The following SIL1 variants were observed in gnomAD, a reference collection of about 807,000 sequenced individuals.
SIL1 encodes nucleotide exchange factor SIL1.
Under a neutral mutation model 49.1 loss-of-function variants are expected in SIL1, and 40 were observed. The ratio of observed to expected loss-of-function variants is 0.81; its 90% CI spans 0.63 to 1.06. SIL1 has a LOEUF of 1.06. SIL1 is among the 50% of genes least tolerant of loss of function. The probability of loss-of-function intolerance (pLI) is 0.00; values close to 1 mark genes in which losing one functional copy is unlikely to be tolerated. For missense variants in SIL1, 500 were observed against 572.6 expected (o/e 0.87, Z 1.29); for synonymous variants, 253 against 250.8 (o/e 1.01, Z -0.08).
chr5:138,980,007 T>G (rs949394588), intron 7 of SIL1, among the ~76,000 whole-genome samples: 1 of 152,206 alleles, frequency 6.6e-6, no homozygotes, highest in Admixed American at 6.5e-5. Flanking sequence ...CAAAAGGGCC[T>G]AGTCACAGGG....
intron 1 of SIL1, among the ~76,000 whole-genome samples, chr5:139,134,473 T>G (rs1022961277): frequency 6.6e-6 from 1 of 152,140 alleles, no homozygotes; most frequent in African/African-American, 2.4e-5. Context: ...ACTGCTGCCC[T>G]GGACCCGCAG....
At chr5:138,979,285 G>A (rs768472478) in intron 7 of SIL1, among the ~76,000 whole-genome samples, 3 of 151,994 alleles carry the variant, frequency 2.0e-5, no homozygotes, top group South Asian at 2.1e-4. Flanking sequence ...GGCTGGTCTC[G>A]ATCTCCTGAC....
At position 139,026,936 on chromosome 5, in the gene SIL1, G is replaced by GTCTT. The variant is rs751236516; in HGVS notation, c.506_509dup (p.Asp170GlufsTer4). ...CAATGACAACATTCAGCTCATCAAAGTCTTTCTTCAGTTCCTCAATGGGGC... is the reference window on the plus strand; with the variant it reads ...CAATGACAACATTCAGCTCATCAAAGTCTTTCTTTCTTCAGTTCCTCAATGGGGC... On this transcript the variant is annotated frameshift_variant, in exon 6 of 10. Coordinates refer to ENST00000394817, the MANE Select transcript of SIL1 (RefSeq NM_022464.5). LOFTEE classifies it high-confidence loss of function. 5.8e-5 allele frequency: 93 copies of GTCTT among 1,614,074 alleles called. No individual in the cohort carries two copies. The highest frequency in any genetic ancestry group is 1.9e-5 in the Non-Finnish European group (23 of 1,180,044).
intron 1 of SIL1, among the ~76,000 whole-genome samples, chr5:139,196,272 A>G (rs1311958182): frequency 1.3e-5 from 2 of 152,202 alleles, no homozygotes; most frequent in African/African-American, 2.4e-5. Flanking sequence ...GGTCTCTGAA[A>G]ACAATTCCAG....
At chr5:139,068,194 C>T (rs1378178970) in intron 3 of SIL1, among the ~76,000 whole-genome samples, 1 of 152,100 alleles carries the variant, frequency 6.6e-6, no homozygotes, top group Non-Finnish European at 1.5e-5. Flanking sequence ...AAAACTAAAC[C>T]CATGAGCAAC....
At chr5:139,020,395 T>C (rs1426218650) in intron 7 of SIL1, among the ~76,000 whole-genome samples, 1 of 152,224 alleles carries the variant, frequency 6.6e-6, no homozygotes, top group East Asian at 1.9e-4. Flanking sequence ...GAATAGCTTT[T>C]CTCCTGTAAC....
chr5:139,019,980 G>A (rs1354245886), intron 7 of SIL1, among the ~76,000 whole-genome samples: 1 of 152,194 alleles, frequency 6.6e-6, no homozygotes, highest in African/African-American at 2.4e-5. Flanking sequence ...GACTGAAACC[G>A]CAGATACTAA....
Position 139,068,740 on chromosome 5 carries a change from A to C in SIL1, c.245-17694T>G, listed in dbSNP as rs543262729. On this transcript the variant is annotated intron_variant, in intron 3 of 9. Transcript: ENST00000394817. ...CATGCTTTTTTCTAAAAGTTCAAGA[A>C]ACCTAATTTCACATAAAAATGAGCA... is the stretch of plus-strand genomic sequence containing the variant. 1.7e-4 allele frequency among the ~76,000 whole-genome samples: 26 copies of C among 152,134 alleles called. No individual in the cohort carries two copies. The South Asian group carries it at 5.4e-3, about 32-fold the overall frequency.
chr5:139,065,610 G>A (rs1250841931), intron 3 of SIL1, among the ~76,000 whole-genome samples: 1 of 152,192 alleles, frequency 6.6e-6, no homozygotes, highest in Non-Finnish European at 1.5e-5. Flanking sequence ...ATGCACACAA[G>A]GTTGGTGCTC....
chr5:139,040,899 G>C (rs907663844), intron 5 of SIL1, among the ~76,000 whole-genome samples: 1 of 152,122 alleles, frequency 6.6e-6, no homozygotes, highest in Non-Finnish European at 1.5e-5. Context: ...TTACTGGGGT[G>C]GGGGGAAATG....
At chr5:138,967,458 T>G (rs1767169111) in intron 7 of SIL1, among the ~76,000 whole-genome samples, 1 of 152,188 alleles carries the variant, frequency 6.6e-6, no homozygotes, top group Non-Finnish European at 1.5e-5. Flanking sequence ...GACCCAGCAT[T>G]GGCCAGAAGA....
chr5:138,980,464 C>G (rs944314827), intron 7 of SIL1, among the ~76,000 whole-genome samples: 1 of 152,088 alleles, frequency 6.6e-6, no homozygotes, highest in African/African-American at 2.4e-5. Flanking sequence ...AAGAGACAAG[C>G]AGGGGTCCAA....
intron 1 of SIL1, among the ~76,000 whole-genome samples, chr5:139,191,325 A>T (rs925132744): frequency 6.6e-6 from 1 of 152,024 alleles, no homozygotes; most frequent in African/African-American, 2.4e-5. Flanking sequence ...CAGCACTCAA[A>T]GCATGGCCAA....
chr5:139,195,537 A>G (rs1377931670), intron 1 of SIL1, among the ~76,000 whole-genome samples: 2 of 151,726 alleles, frequency 1.3e-5, no homozygotes, highest in Admixed American at 6.6e-5. Flanking sequence ...ACAGGCACCC[A>G]CCACCTCGCC....
chr5:139,182,300 G>C (rs1752004647), intron 1 of SIL1, among the ~76,000 whole-genome samples: 1 of 152,198 alleles, frequency 6.6e-6, no homozygotes, highest in Non-Finnish European at 1.5e-5. Context: ...GGAATGAGCA[G>C]GGCGAGTCAT....
intron 3 of SIL1, among the ~76,000 whole-genome samples, chr5:139,081,181 CAG>C (rs1187151752): frequency 1.3e-5 from 2 of 152,332 alleles, no homozygotes; most frequent in Middle Eastern, 3.4e-3. Context: ...CTACAGGACA[CAG>C]AGTCACTCAA....
intron 4 of SIL1, among the ~76,000 whole-genome samples, chr5:139,049,124 G>C (rs114403519): frequency 3.2e-4 from 48 of 152,310 alleles, no homozygotes; most frequent in African/African-American, 9.4e-4. Flanking sequence ...GGTAAGAAGT[G>C]AGTCTCTAGG....
chr5:139,166,123 A>G (rs1297285790), intron 1 of SIL1, among the ~76,000 whole-genome samples: 4 of 152,156 alleles, frequency 2.6e-5, no homozygotes, highest in Non-Finnish European at 5.9e-5. Flanking sequence ...TCTCTAAAAA[A>G]TATTTTACAG....
chr5:139,161,169 G>C (rs1473661975), intron 1 of SIL1, among the ~76,000 whole-genome samples: 2 of 152,140 alleles, frequency 1.3e-5, no homozygotes, highest in Non-Finnish European at 2.9e-5. Context: ...CTTGAACCTG[G>C]GAGGCAGAGG....
Sources: gnomAD v4.1 joint callset for allele counts (sites outside exome capture counted in the v4.1 genomes callset) on GRCh38, gnomAD v4.1.1 for gene constraint, MANE v1.5 for transcripts, NCBI Gene and HGNC (gene_info 2026-07-23, HGNC 2026-07-21) for gene names.